CDC42: variants seen among roughly 807,000 people sequenced by gnomAD.
The protein encoded by CDC42 is cell division cycle 42.
A neutral mutation model predicts 20.8 loss-of-function variants in CDC42; 1 was observed. The ratio of observed to expected loss-of-function variants is 0.05; its 90% CI spans 0.02 to 0.23. The LOEUF is 0.23. CDC42 is among the 10% of genes least tolerant of loss of function. The pLI is 1.00. For synonymous variants in CDC42, 72 were observed against 84.8 expected (o/e 0.85, Z 0.83); for missense variants, 49 against 227.9 (o/e 0.21, Z 5.05).
At chr1:22,074,677 C>T (rs961872629) in intron 1 of CDC42, among the ~76,000 whole-genome samples, 1 of 152,198 alleles carries the variant, frequency 6.6e-6, no homozygotes, top group Admixed American at 6.5e-5. Flanking sequence ...ACTTTGGCCT[C>T]CCAAAGTGCA....
intron 1 of CDC42, among the ~76,000 whole-genome samples, chr1:22,060,577 G>A (rs1033200316): frequency 1.3e-5 from 2 of 152,142 alleles, no homozygotes; most frequent in Non-Finnish European, 2.9e-5. Context: ...CAGTTTAGGA[G>A]TATTTGTAAT....
intron 3 of CDC42, among the ~76,000 whole-genome samples, chr1:22,085,977 C>G (rs759701362): frequency 2.0e-5 from 3 of 152,156 alleles, no homozygotes; most frequent in Non-Finnish European, 2.9e-5. Flanking sequence ...TTCCAAGTAG[C>G]TGGGATTACA....
intron 3 of CDC42, among the ~76,000 whole-genome samples, chr1:22,083,822 T>C (rs1645632634): frequency 6.6e-6 from 1 of 152,202 alleles, no homozygotes; most frequent in Admixed American, 6.5e-5. Context: ...CTTGACCTGG[T>C]TCCAGGCAAC....
intron 1 of CDC42, among the ~76,000 whole-genome samples, chr1:22,068,000 G>A (rs1228519079): frequency 6.6e-6 from 1 of 152,094 alleles, no homozygotes; most frequent in Non-Finnish European, 1.5e-5. Context: ...AGGATCCCTT[G>A]AGCCCAGGAA....
intron 1 of CDC42, among the ~76,000 whole-genome samples, chr1:22,069,613 CTTTTTTT>C (rs56218067): frequency 3.6e-5 from 4 of 109,762 alleles, no homozygotes; most frequent in Admixed American, 1.0e-4. Flanking sequence ...CATGCCACCA[CTTTTTTT>C]TTTTTTTTTT....
chr1:22,054,131 T>C (rs1032973070), intron 1 of CDC42, among the ~76,000 whole-genome samples: 1 of 152,198 alleles, frequency 6.6e-6, no homozygotes, highest in Non-Finnish European at 1.5e-5. Context: ...TTAGTTTTGT[T>C]ATTAAAAACG....
intron 1 of CDC42, among the ~76,000 whole-genome samples, chr1:22,070,744 G>T (rs892705597): frequency 6.6e-6 from 1 of 151,980 alleles, no homozygotes; most frequent in South Asian, 2.1e-4. Context: ...GATTACAGGC[G>T]TGAGCCACCA....
At chr1:22,091,395 G>T in intron 5 of CDC42, 33 bp from the exon 6 acceptor site, 1 of 1,363,426 alleles carries the variant, frequency 7.3e-7, no homozygotes, top group South Asian at 1.2e-5. Flanking sequence ...CTGAAAATCA[G>T]ACCGCCCATT....
intron 1 of CDC42, among the ~76,000 whole-genome samples, chr1:22,067,419 T>A (rs1457522837): frequency 6.6e-6 from 1 of 152,094 alleles, no homozygotes; most frequent in African/African-American, 2.4e-5. Context: ...CCTCCCAAGT[T>A]CGCTTTGGTG....
rs1168300465 is a variant in CDC42 at position 22,091,704 on chromosome 1, C to T, written c.*187C>T. On this transcript the variant is annotated 3_prime_UTR_variant, in exon 6 of 6. Transcript: ENST00000656825. The stretch of plus-strand genomic sequence containing the variant: ...GGCCCCCCCCTTCCCCCTCCCAGTA[C>T]TAGTTAATTTTGAGTAATTGTATTG... 6.0e-6 allele frequency: 2 copies of T among 334,008 alleles called. No individual in the cohort carries two copies. Among genetic ancestry groups the T allele is most frequent in the Non-Finnish European group, 1.1e-5 (2 of 186,144 alleles). The allele number at this position is 334,008 out of a possible 1,614,324, so 20.7% of individuals were successfully genotyped here.
chr1:22,068,047 A>T (rs1219160135), intron 1 of CDC42, among the ~76,000 whole-genome samples: 1 of 151,986 alleles, frequency 6.6e-6, no homozygotes. Flanking sequence ...GAGCCACTCC[A>T]CTCTGGCCTA....
At chr1:22,078,790 C>T in intron 2 of CDC42, 1 of 1,453,750 alleles carries the variant, frequency 6.9e-7, no homozygotes, top group Admixed American at 2.1e-5. Flanking sequence ...ACAGGGTTTG[C>T]AAGAAGTGCT....
chr1:22,089,367 C>T (rs1286491567), intron 5 of CDC42, among the ~76,000 whole-genome samples: 1 of 152,100 alleles, frequency 6.6e-6, no homozygotes, highest in Non-Finnish European at 1.5e-5. Context: ...ATTCTAGGAC[C>T]CCATTCTTTG....
At position 22,094,399 on chromosome 1, in the gene CDC42, G is replaced by A. The variant is rs552010570; in HGVS notation, c.*2882G>A. 1.8e-3 allele frequency among the ~76,000 whole-genome samples: 223 copies of A among 124,342 alleles called. 4 individuals carry two copies. Among genetic ancestry groups the A allele is most frequent in the African/African-American group, 6.6e-3 (204 of 30,770 alleles). The allele number at this position is 124,342 out of a possible 152,430, so 81.6% of individuals were successfully genotyped here. ...TGCAAGCTCCGCCTCCCGGGTTCAC[G>A]CCATTCTCCTGCCTCAGCCTCCCGA... On this transcript the variant is annotated 3_prime_UTR_variant, in exon 6 of 6. Coordinates refer to ENST00000656825, the MANE Select transcript of CDC42 (RefSeq NM_001791.4).
intron 1 of CDC42, among the ~76,000 whole-genome samples, chr1:22,066,743 G>GC (rs1413973088): frequency 6.6e-6 from 1 of 152,104 alleles, no homozygotes; most frequent in Non-Finnish European, 1.5e-5. Context: ...AGCTTTAAGA[G>GC]CAGGGGCAGG....
chr1:22,066,790 G>A (rs1645428821), intron 1 of CDC42, among the ~76,000 whole-genome samples: 1 of 152,156 alleles, frequency 6.6e-6, no homozygotes, highest in Non-Finnish European at 1.5e-5. Context: ...ATGGCCGGGT[G>A]CAGTGGCTCA....
chr1:22,085,673 A>G (rs1645654759), intron 3 of CDC42, among the ~76,000 whole-genome samples: 1 of 152,124 alleles, frequency 6.6e-6, no homozygotes. Context: ...TATTTTGAGT[A>G]TCGATTAATT....
chr1:22,094,443 G>A lies in CDC42; in HGVS notation c.*2926G>A, dbSNP rs1189579909. Reference sequence around the variant, plus strand: ...CTCCCGAGTAGCTGGGACTACCGGCGCCCGCTACCACGCCCGGCTAATTTT... The same window carrying A: ...CTCCCGAGTAGCTGGGACTACCGGCACCCGCTACCACGCCCGGCTAATTTT... On this transcript the variant is annotated 3_prime_UTR_variant, in exon 6 of 6. Coordinates refer to ENST00000656825, the MANE Select transcript of CDC42 (RefSeq NM_001791.4). Among the ~76,000 whole-genome samples the A allele has an allele frequency of 6.9e-6, 1 of 145,330 alleles. No homozygotes were observed. Among genetic ancestry groups the A allele is most frequent in the African/African-American group, 2.6e-5 (1 of 37,974 alleles).
In CDC42 at chr1:22,098,311, T is replaced by C. The variant is rs1346758304; in HGVS notation, c.*6794T>C. 6.6e-6 allele frequency among the ~76,000 whole-genome samples: 1 copy of C among 151,900 alleles called. No individual in the cohort carries two copies. The highest frequency in any genetic ancestry group is 1.5e-5 in the Non-Finnish European group (1 of 67,974). ...AGGTCTCAAATGCAGTTCGGGTTCCTGGTTGGTGAACAATTAGATGGGAAG... is the reference window on the plus strand; with the variant it reads ...AGGTCTCAAATGCAGTTCGGGTTCCCGGTTGGTGAACAATTAGATGGGAAG... On this transcript the variant is annotated 3_prime_UTR_variant, in exon 6 of 6. Coordinates refer to ENST00000656825, the MANE Select transcript of CDC42 (RefSeq NM_001791.4).
Sources: gnomAD v4.1 joint callset for allele counts (sites outside exome capture counted in the v4.1 genomes callset) on GRCh38, gnomAD v4.1.1 for gene constraint, MANE v1.5 for transcripts, NCBI Gene and HGNC (gene_info 2026-07-23, HGNC 2026-07-21) for gene names.